The following NHS variants were observed in gnomAD, a reference collection of about 807,000 sequenced individuals.
The protein encoded by NHS is actin remodeling regulator NHS.
In NHS, 5 loss-of-function variants were observed where a neutral mutation model predicts 72.5. The ratio of observed to expected loss-of-function variants is 0.07; its 90% CI spans 0.04 to 0.14. The LOEUF (loss-of-function observed/expected upper bound fraction) is 0.14. Ranked by LOEUF, NHS falls within the 10% of genes least tolerant of loss-of-function variation. The pLI, the probability that NHS is intolerant of heterozygous loss-of-function variation, is 1.00. For missense variants in NHS, 1,072 were observed against 1,355.7 expected, an observed-to-expected ratio of 0.79 and a Z score of 3.29; for synonymous variants, 464 against 547.7, an observed-to-expected ratio of 0.85 and a Z score of 2.13.
intron 1 of NHS, among the ~76,000 whole-genome samples, chrX:17,561,568 GCGCGCGCACA>G (rs1489393624): frequency 9.0e-4 from 59 of 65,616 alleles, no homozygotes; most frequent in African/African-American, 4.0e-3. Context: ...GCGCGCGCGC[GCGCGCGCACA>G]CACACACACA....
intron 1 of NHS, among the ~76,000 whole-genome samples, chrX:17,437,142 A>G (rs73189135): frequency 2.7e-5 from 3 of 111,574 alleles, no homozygotes; most frequent in Non-Finnish European, 5.6e-5. Context: ...CCTGAGGTAC[A>G]GGTGAGAGGA....
At chrX:17,496,115 G>T (rs1235646126) in intron 1 of NHS, among the ~76,000 whole-genome samples, 1 of 111,248 alleles carries the variant, frequency 9.0e-6, no homozygotes, top group Non-Finnish European at 1.9e-5. Flanking sequence ...GCCTCCTCTT[G>T]GCTGAGCCCA....
chrX:17,599,476 A>G (rs769244499), intron 1 of NHS, among the ~76,000 whole-genome samples: 6 of 110,484 alleles, frequency 5.4e-5, no homozygotes, highest in Non-Finnish European at 1.1e-4. Context: ...TTTTTACCAC[A>G]GATTTAGATT....
chrX:17,392,363 A>G (rs930819801), intron 1 of NHS, among the ~76,000 whole-genome samples: 1 of 112,429 alleles, frequency 8.9e-6, no homozygotes, highest in Non-Finnish European at 1.9e-5. Context: ...GATATTTGTT[A>G]CAGCAGTTAG....
chrX:17,725,182 A>G (rs1335822282), intron 6 of NHS, among the ~76,000 whole-genome samples, 165 bp from the exon 7 acceptor site: 3 of 110,151 alleles, frequency 2.7e-5, no homozygotes, highest in Non-Finnish European at 5.7e-5. Context: ...TATACACCCT[A>G]AAGCATTTTA....
rs191818659 is a variant in NHS at position 17,507,482 on chromosome X, A to C, written c.565+131160A>C. 1.3e-4 allele frequency among the ~76,000 whole-genome samples: 15 copies of C among 112,261 alleles called. No homozygotes were observed. In the East Asian group the frequency reaches 4.2e-3, roughly 31 times the overall value. On this transcript the variant is annotated intron_variant, in intron 1 of 8. Coordinates refer to ENST00000676302, the MANE Select transcript of NHS (RefSeq NM_001291867.2). ...CTGTAATGAAGATCAAAGTGAAAAA[A>C]TGAAGAATGGCAAGACATCCCAGGT... is the stretch of plus-strand genomic sequence containing the variant.
intron 1 of NHS, among the ~76,000 whole-genome samples, chrX:17,419,691 T>C (rs1008091577): frequency 1.8e-5 from 2 of 111,218 alleles, no homozygotes; most frequent in South Asian, 7.7e-4. Context: ...GCGAATCCAT[T>C]AGTCATGGCC....
intron 1 of NHS, among the ~76,000 whole-genome samples, chrX:17,547,285 G>T (rs890743092): frequency 1.8e-5 from 2 of 112,692 alleles, no homozygotes; most frequent in African/African-American, 6.4e-5. Flanking sequence ...AAAGCAGTGA[G>T]CAGTGGGCGC....
rs370808802 is a variant in NHS, at chrX:17,727,107, C to T, written c.3001C>T (p.Pro1001Ser). Residue 1001 changes from proline (P) to serine (S), a missense_variant, in exon 7 of 9, where the codon CCT becomes TCT. Coordinates refer to ENST00000676302, the MANE Select transcript of NHS (RefSeq NM_001291867.2). Reference sequence around the variant, plus strand: ...ATCAAGAGCCACCACCCCATCTCTTCCTTCTGTTGACAATGAGTTTAAACT... The same window carrying T: ...ATCAAGAGCCACCACCCCATCTCTTTCTTCTGTTGACAATGAGTTTAAACT... ...SESRATTPSL[P>S]SVDNEFKLAS... 50 of 1,212,116 alleles carry T rather than the reference C, an allele frequency of 4.1e-5. No individual in the cohort carries two copies. Among genetic ancestry groups the T allele is most frequent in the Non-Finnish European group, 5.6e-5 (50 of 895,586 alleles).
intron 5 of NHS, among the ~76,000 whole-genome samples, chrX:17,723,785 G>GCA (rs2066424099): frequency 9.3e-6 from 1 of 107,935 alleles, no homozygotes; most frequent in African/African-American, 3.4e-5. Context: ...GCGCGTGCGC[G>GCA]CATGGGGAAT....
intron 1 of NHS, among the ~76,000 whole-genome samples, chrX:17,577,627 A>C (rs2065519123): frequency 8.9e-6 from 1 of 111,744 alleles, no homozygotes; most frequent in African/African-American, 3.3e-5. Flanking sequence ...TCAATTTTTC[A>C]TACTAATAGA....
chrX:17,375,318 C>T lies in NHS; in HGVS notation c.-440C>T, dbSNP rs1258185414. 9 of 297,589 alleles carry T rather than the reference C, an allele frequency of 3.0e-5. No individual in the cohort carries two copies. The highest frequency in any genetic ancestry group is 1.9e-4 in the African/African-American group (7 of 36,569). The allele number at this position is 297,589 out of a possible 1,213,427, so 24.5% of individuals were successfully genotyped here. On this transcript the variant is annotated 5_prime_UTR_variant, in exon 1 of 9. Transcript: ENST00000676302. The stretch of plus-strand genomic sequence containing the variant: ...AGGCCTGCGCCGGGGTACTTTCAAA[C>T]TGAGGCGCGCGCACACACTCACACC...
intron 1 of NHS, among the ~76,000 whole-genome samples, chrX:17,452,483 C>T (rs1452691338): frequency 9.3e-6 from 1 of 107,233 alleles, no homozygotes; most frequent in East Asian, 2.9e-4. Flanking sequence ...GGCTCAGTAT[C>T]TTTCTGTGTT....
chrX:17,730,669 G>C (rs781441492), intron 8 of NHS, among the ~76,000 whole-genome samples: 2 of 112,756 alleles, frequency 1.8e-5, no homozygotes, highest in South Asian at 7.4e-4. Context: ...ATGATGATGG[G>C]AGTCAAGGTT....
intron 3 of NHS, among the ~76,000 whole-genome samples, chrX:17,695,440 T>C (rs1435865433): frequency 8.9e-6 from 1 of 112,194 alleles, no homozygotes; most frequent in Non-Finnish European, 1.9e-5. Flanking sequence ...GTATATTTTA[T>C]TATCAGGGAT....
rs138104885 is a variant in NHS, at chrX:17,687,842, C to T, written c.666C>T (p.Cys222=). Residue 222 remains cysteine, a synonymous_variant, in exon 2 of 9, where the codon TGC becomes TGT. Transcript: ENST00000676302. ...NIFLPATRPP[C]VEELHRHARQ... Reference sequence around the variant, plus strand: ...TCCTCCCAGCCACAAGGCCACCCTGCGTGGAGGAGCTGCACCGCCACGCCC... The same window carrying T: ...TCCTCCCAGCCACAAGGCCACCCTGTGTGGAGGAGCTGCACCGCCACGCCC... 9.0e-5 allele frequency: 109 copies of T among 1,210,539 alleles called. No individual in the cohort carries two copies. In the African/African-American group the frequency reaches 1.6e-3, roughly 18 times the overall value.
intron 1 of NHS, among the ~76,000 whole-genome samples, chrX:17,582,307 G>A (rs1338205508): frequency 1.8e-5 from 2 of 112,368 alleles, no homozygotes; most frequent in Non-Finnish European, 3.8e-5. Context: ...CTGGCCAAAA[G>A]GAGATTTTAC....
At chrX:17,606,445 C>A (rs1352369511) in intron 1 of NHS, among the ~76,000 whole-genome samples, 1 of 111,978 alleles carries the variant, frequency 8.9e-6, no homozygotes, top group African/African-American at 3.3e-5. Flanking sequence ...GTCTTCCCGC[C>A]AAGTTTCCTC....
At chrX:17,488,455 G>A (rs952249988) in intron 1 of NHS, among the ~76,000 whole-genome samples, 1 of 110,946 alleles carries the variant, frequency 9.0e-6, no homozygotes, top group Non-Finnish European at 1.9e-5. Flanking sequence ...CAGGGGTGAT[G>A]TAGGTATGCA....
Sources: gnomAD v4.1 joint callset for allele counts (sites outside exome capture counted in the v4.1 genomes callset) on GRCh38, gnomAD v4.1.1 for gene constraint, MANE v1.5 for transcripts, NCBI Gene and HGNC (gene_info 2026-07-23, HGNC 2026-07-21) for gene names.